The following HHIPL1 variants were observed in gnomAD, a reference collection of about 807,000 sequenced individuals.
HHIPL1 encodes the protein HHIP like 1, also known as HHIP-like protein 1.
Under a neutral mutation model 61.8 loss-of-function variants are expected in HHIPL1, and 43 were observed. The observed-to-expected ratio is 0.70, with a 90% CI of 0.55 to 0.90. The LOEUF (loss-of-function observed/expected upper bound fraction) is 0.90. Ranked by LOEUF, HHIPL1 falls within the 40% of genes least tolerant of loss-of-function variation. The probability of loss-of-function intolerance (pLI) is 0.00; values close to 1 mark genes in which losing one functional copy is unlikely to be tolerated. For synonymous variants in HHIPL1, 482 were observed against 515.8 expected, an observed-to-expected ratio of 0.93 and a Z score of 0.89; for missense variants, 1,056 against 1,157.7, an observed-to-expected ratio of 0.91 and a Z score of 1.28.
the HHIPL1 span, among the ~76,000 whole-genome samples, chr14:99,609,330 T>C: frequency 6.6e-6 from 1 of 152,214 alleles, no homozygotes; most frequent in Non-Finnish European, 1.5e-5. Flanking sequence ...TGCAAAGCTC[T>C]GGGGAGGGGA....
At chr14:99,653,379 C>A (rs1034206600) in intron 2 of HHIPL1, among the ~76,000 whole-genome samples, 11 of 151,788 alleles carry the variant, frequency 7.2e-5, no homozygotes, top group Non-Finnish European at 1.3e-4. Flanking sequence ...GTTGCCGAGG[C>A]TGGAGTGCAG....
chr14:99,626,930 T>A, the HHIPL1 span, among the ~76,000 whole-genome samples: 162 of 152,238 alleles, frequency 1.1e-3, no homozygotes, highest in African/African-American at 3.8e-3. Flanking sequence ...ATTGGGGCAG[T>A]GAGGGAGAGA....
the HHIPL1 span, among the ~76,000 whole-genome samples, chr14:99,619,393 C>G: frequency 6.7e-6 from 1 of 149,932 alleles, no homozygotes; most frequent in Admixed American, 6.7e-5. Flanking sequence ...ACCCGGGAGG[C>G]AGAGGTTGCA....
chr14:99,627,328 C>T, the HHIPL1 span, among the ~76,000 whole-genome samples: 1 of 151,792 alleles, frequency 6.6e-6, no homozygotes, highest in African/African-American at 2.4e-5. This position sits in a 1 kb window ranked among gnomAD's most constrained non-coding sequence, Gnocchi z 4.4. Context: ...ATCTATCCAT[C>T]CATCTGCCCA....
At position 99,645,232 on chromosome 14, in the gene HHIPL1, C is replaced by G. The variant is rs2055809354; in HGVS notation, c.25C>G (p.Leu9Val). 1 of 1,337,076 alleles carries G rather than the reference C, an allele frequency of 7.5e-7. No homozygotes were observed. The highest frequency in any genetic ancestry group is 9.6e-7 in the Non-Finnish European group (1 of 1,047,100). The allele number at this position is 1,337,076 out of a possible 1,614,324, so 82.8% of individuals were successfully genotyped here. The change falls in exon 1 of 9, where the codon CTG (leucine) becomes GTG (valine). Residue 9 changes from leucine (L) to valine (V), a missense_variant. By Grantham distance (32) the Leu-to-Val change is conservative. Transcript: ENST00000330710. Reference sequence around the variant, plus strand: ...GATGGCCCGGGCCAGGGCCGGGGCGCTGCTGGCGCTTTGGGTGCTCGGGGC... The same window carrying G: ...GATGGCCCGGGCCAGGGCCGGGGCGGTGCTGGCGCTTTGGGTGCTCGGGGC... MARARAGA[L>V]LALWVLGAAA...
At chr14:99,649,141 TAA>T (rs534541127) in intron 1 of HHIPL1, among the ~76,000 whole-genome samples, 1 of 152,174 alleles carries the variant, frequency 6.6e-6, no homozygotes, top group Non-Finnish European at 1.5e-5. Flanking sequence ...ACGTCGTGTG[TAA>T]GTAAGAGTAC....
chr14:99,643,050 T>G (rs1487140478), upstream of HHIPL1, among the ~76,000 whole-genome samples: 1 of 151,970 alleles, frequency 6.6e-6, no homozygotes, highest in Admixed American at 6.6e-5. Flanking sequence ...ACTTTTTTTT[T>G]TCTTTTTTGA....
rs2056132654 is a variant in HHIPL1, at chr14:99,660,397, T to G, written c.1493T>G (p.Phe498Cys). The G allele has an allele frequency of 6.2e-7, 1 of 1,613,150 alleles. No homozygotes were observed. The highest frequency in any genetic ancestry group is 1.3e-5 in the African/African-American group (1 of 74,900). Residue 498 changes from phenylalanine (F) to cysteine (C), a missense_variant, in exon 5 of 9, where the codon TTC becomes TGC. By Grantham distance (205) the Phe-to-Cys change is radical. Coordinates refer to ENST00000330710, the MANE Select transcript of HHIPL1 (RefSeq NM_001127258.3). The surrounding 1 kb of genome is among the most constrained non-coding windows in gnomAD (Gnocchi z 4.9). ...AACGGCCTCTACATTTTTGGGGATTTCATGAGCGGGTAAGTGACCTAGTGC... is the reference window on the plus strand; with the variant it reads ...AACGGCCTCTACATTTTTGGGGATTGCATGAGCGGGTAAGTGACCTAGTGC... ...NLNGLYIFGD[F>C]MSGRLMSLQE...
chr14:99,665,298 T>C (rs1312482114), intron 6 of HHIPL1, among the ~76,000 whole-genome samples: 1 of 152,184 alleles, frequency 6.6e-6, no homozygotes, highest in African/African-American at 2.4e-5. Context: ...GACCTTATGC[T>C]GATTGAGTGG....
intron 6 of HHIPL1, among the ~76,000 whole-genome samples, chr14:99,664,272 G>T (rs2056204903): frequency 6.6e-6 from 1 of 152,128 alleles, no homozygotes; most frequent in Admixed American, 6.5e-5. Flanking sequence ...GGCTGTGTCT[G>T]GGAAACCTTT....
rs367660108 is a variant in HHIPL1, at chr14:99,652,506, G to A, written c.538G>A (p.Gly180Ser). Reference sequence around the variant, plus strand: ...GGGCCACGTGGTAGCCGATGCCAAGGGCTGCCTGCAGCTGTGCCTGGAGGA... The same window carrying A: ...GGGCCACGTGGTAGCCGATGCCAAGAGCTGCCTGCAGCTGTGCCTGGAGGA... ...NLGHVVADAK[G>S]CLQLCLEEVA... Residue 180 changes from glycine (G) to serine (S), a missense_variant, in exon 2 of 9, where the codon GGC becomes AGC. Transcript: ENST00000330710. The A allele has an allele frequency of 6.2e-7, 1 of 1,613,746 alleles. No homozygotes were observed. The highest frequency in any genetic ancestry group is 8.5e-7 in the Non-Finnish European group (1 of 1,180,032).
chr14:99,656,824 A>T lies in HHIPL1; in HGVS notation c.903-176A>T, dbSNP rs576786806. Among the ~76,000 whole-genome samples, 2 of 38,662 alleles carry T rather than the reference A, an allele frequency of 5.2e-5. 1 individual carries two copies. The highest frequency in any genetic ancestry group is 2.2e-4 in the African/African-American group (2 of 9,226). The allele number at this position is 38,662 out of a possible 152,430, so 25.4% of individuals were successfully genotyped here. A position where few individuals can be genotyped will look rare whatever the true frequency, so the allele number is the denominator to read the frequency against. ...GAAAGAAAGAAAGAAAGAAAGAAAGAAAGAAAGAAAGAAAGGAAGGAAGGA... is the reference window on the plus strand; with the variant it reads ...GAAAGAAAGAAAGAAAGAAAGAAAGTAAGAAAGAAAGAAAGGAAGGAAGGA... On this transcript the variant is annotated intron_variant, in intron 2 of 8. Transcript: ENST00000330710.
At chr14:99,629,374 G>A in the HHIPL1 span, among the ~76,000 whole-genome samples, 5 of 152,198 alleles carry the variant, frequency 3.3e-5, no homozygotes, top group African/African-American at 1.2e-4. Flanking sequence ...CACAGGCATG[G>A]GCTCTCTCTG....
At chr14:99,606,535 C>T in the HHIPL1 span, among the ~76,000 whole-genome samples, 6 of 152,218 alleles carry the variant, frequency 3.9e-5, no homozygotes, top group Non-Finnish European at 4.4e-5. Flanking sequence ...ACCCCCTCCC[C>T]GTTCGTGCAT....
chr14:99,634,079 A>G, the HHIPL1 span, among the ~76,000 whole-genome samples: 1 of 152,226 alleles, frequency 6.6e-6, no homozygotes, highest in Non-Finnish European at 1.5e-5. Flanking sequence ...GCGTTTCTGC[A>G]GAGGCGCGAG....
chr14:99,613,768 G>A, the HHIPL1 span, among the ~76,000 whole-genome samples: 3 of 151,854 alleles, frequency 2.0e-5, no homozygotes, highest in African/African-American at 4.8e-5. Context: ...AAAATTAGCC[G>A]GGCGCAGTGG....
the HHIPL1 span, among the ~76,000 whole-genome samples, chr14:99,605,418 C>G: frequency 1.7e-4 from 26 of 151,442 alleles, no homozygotes; most frequent in African/African-American, 6.3e-4. Context: ...GAACCTGCAA[C>G]GAGATCAAAT....
chr14:99,654,203 AAAAAAG>A (rs1171466223), intron 2 of HHIPL1, among the ~76,000 whole-genome samples: 10 of 151,022 alleles, frequency 6.6e-5, no homozygotes, highest in South Asian at 2.1e-4. Flanking sequence ...AAAAAAAAAA[AAAAAAG>A]AAAAAAGAAA....
chr14:99,642,848 C>T (rs375468226), upstream of HHIPL1, among the ~76,000 whole-genome samples: 121 of 151,212 alleles, frequency 8.0e-4, no homozygotes, highest in African/African-American at 2.8e-3. Flanking sequence ...TAAAGTGGAC[C>T]CCTCTCTGCT....
Sources: allele counts gnomAD v4.1 joint callset (sites outside exome capture counted in the v4.1 genomes callset), GRCh38; gene constraint gnomAD v4.1.1; non-coding constraint Gnocchi (gnomAD v3.1); transcripts MANE v1.5; gene names NCBI Gene and HGNC (gene_info 2026-07-23, HGNC 2026-07-21).